The following GHR variants were observed in gnomAD, a reference collection of about 807,000 sequenced individuals.
GHR encodes the protein GH receptor.
A neutral mutation model predicts 67.1 loss-of-function variants in GHR; 35 were observed. That is an observed-to-expected ratio of 0.52 (90% CI 0.40 to 0.69). The LOEUF is 0.69. Among genes scored for constraint, GHR ranks in the 30% least tolerant of loss-of-function variants. GHR has a pLI of 0.00. For synonymous variants in GHR, 272 were observed against 269.1 expected (o/e 1.01, Z -0.10); for missense variants, 792 against 764.6 (o/e 1.04, Z -0.42).
chr5:42,477,005 T>G (rs1745359064), intron 1 of GHR, among the ~76,000 whole-genome samples: 1 of 151,462 alleles, frequency 6.6e-6, no homozygotes, highest in Admixed American at 6.6e-5. Flanking sequence ...TAGCGTTAGG[T>G]GTATCTCCTA....
intron 1 of GHR, among the ~76,000 whole-genome samples, chr5:42,532,833 C>A (rs183515498): frequency 1.7e-4 from 26 of 152,110 alleles, no homozygotes; most frequent in Non-Finnish European, 1.5e-4. Context: ...TTTATTTATT[C>A]CCATACTAAT....
chr5:42,509,593 C>G (rs1293653053), intron 1 of GHR, among the ~76,000 whole-genome samples: 2 of 152,214 alleles, frequency 1.3e-5, no homozygotes, highest in East Asian at 3.8e-4. Flanking sequence ...CTTTATTTCC[C>G]TCTTGCATAT....
At chr5:42,628,953 G>A (rs1580086177) in intron 2 of GHR, 85 bp from the exon 3 acceptor site, 1 of 827,662 alleles carries the variant, frequency 1.2e-6, no homozygotes, top group Admixed American at 1.9e-5. Context: ...TTGGGAAGCT[G>A]AGGATTTTGT....
At chr5:42,566,229 T>TTG (rs1446991709) in intron 2 of GHR, among the ~76,000 whole-genome samples, 1 of 152,196 alleles carries the variant, frequency 6.6e-6, no homozygotes, top group Non-Finnish European at 1.5e-5. Context: ...GCCAGGTCTC[T>TTG]TGTTCTCAGG....
intron 2 of GHR, among the ~76,000 whole-genome samples, chr5:42,616,448 C>T (rs1753153410): frequency 6.6e-6 from 1 of 151,964 alleles, no homozygotes; most frequent in African/African-American, 2.4e-5. Context: ...GATGGTGAAA[C>T]AATTTTCAGA....
chr5:42,638,085 G>A (rs183797453), intron 3 of GHR, among the ~76,000 whole-genome samples: 31 of 152,044 alleles, frequency 2.0e-4, no homozygotes, highest in Non-Finnish European at 3.5e-4. Flanking sequence ...GATTACAGTC[G>A]TGCACCACCA....
Position 42,655,002 on chromosome 5 carries a change from T to G in GHR, c.136+25899T>G, listed in dbSNP as rs566210770. 5.3e-5 allele frequency among the ~76,000 whole-genome samples: 8 copies of G among 152,218 alleles called. No homozygotes were observed. In the South Asian group the frequency reaches 1.7e-3, roughly 32 times the overall value. On this transcript the variant is annotated intron_variant, in intron 3 of 9. Coordinates refer to ENST00000230882, the MANE Select transcript of GHR (RefSeq NM_000163.5). ...TCTCATCCCCTCATCCCCTTGTGTCTGCCCCTGAATGCCAGACTATCTTCT... is the reference window on the plus strand; with the variant it reads ...TCTCATCCCCTCATCCCCTTGTGTCGGCCCCTGAATGCCAGACTATCTTCT...
Position 42,719,177 on chromosome 5 carries a change from A to G in GHR, c.1670A>G (p.Gln557Arg). The change falls in exon 10 of 10, where the codon CAG becomes CGG. Residue 557 changes from glutamine to arginine, a missense_variant. By Grantham distance (43) the Gln-to-Arg change is conservative. Transcript: ENST00000230882. ...APHIKVESHI[Q>R]PSLNQEDIYI... The stretch of plus-strand genomic sequence containing the variant: ...CACATCAAGGTTGAATCACACATAC[A>G]GCCAAGCTTAAACCAAGAGGACATT... 1.9e-6 allele frequency: 3 copies of G among 1,614,180 alleles called. No individual in the cohort carries two copies. Among genetic ancestry groups the G allele is most frequent in the Non-Finnish European group, 1.7e-6 (2 of 1,180,028 alleles).
At chr5:42,572,228 G>A (rs915018406) in intron 2 of GHR, among the ~76,000 whole-genome samples, 11 of 152,062 alleles carry the variant, frequency 7.2e-5, no homozygotes, top group African/African-American at 2.7e-4. Context: ...CATTTTTGGG[G>A]CCTCTACTTG....
intron 3 of GHR, among the ~76,000 whole-genome samples, chr5:42,649,343 G>A (rs1021683918): frequency 3.3e-5 from 5 of 152,108 alleles, no homozygotes; most frequent in African/African-American, 1.2e-4. Context: ...AGATTCTTCA[G>A]AACATTTTTT....
intron 2 of GHR, among the ~76,000 whole-genome samples, chr5:42,590,013 A>T (rs977726136): frequency 6.6e-6 from 1 of 152,196 alleles, no homozygotes; most frequent in Non-Finnish European, 1.5e-5. Flanking sequence ...GAAAGGCAAC[A>T]TTAGCTAGGT....
rs146044217 is a variant in GHR, at chr5:42,711,216, A to G, written c.628A>G (p.Ile210Val). ...TATTTTGTCTTGAAAGATGGACCCT[A>G]TATTGACAACATCAGTTCCAGTGTA... ...NETKWKMMDPILTTSVPVYSL... is the reference protein window; with the variant it reads ...NETKWKMMDPVLTTSVPVYSL... Residue 210 changes from isoleucine (I) to valine (V), a missense_variant, in exon 7 of 10, where the codon ATA becomes GTA. Transcript: ENST00000230882. The G allele has an allele frequency of 1.4e-5, 23 of 1,612,876 alleles. No individual in the cohort carries two copies. The African/African-American group carries it at 2.7e-4, about 19-fold the overall frequency.
At chr5:42,432,495 G>T (rs1331888991) in intron 1 of GHR, among the ~76,000 whole-genome samples, 2 of 152,172 alleles carry the variant, frequency 1.3e-5, no homozygotes, top group Non-Finnish European at 2.9e-5. Flanking sequence ...TGTGGCACAT[G>T]ATCCTAATTC....
chr5:42,583,467 C>G (rs1446055866), intron 2 of GHR, among the ~76,000 whole-genome samples: 3 of 152,322 alleles, frequency 2.0e-5, no homozygotes, highest in African/African-American at 4.8e-5. Context: ...AGTGGAAGTG[C>G]TGACAAGCAG....
intron 2 of GHR, among the ~76,000 whole-genome samples, chr5:42,620,917 T>C (rs1753410753): frequency 6.6e-6 from 1 of 152,124 alleles, no homozygotes; most frequent in Non-Finnish European, 1.5e-5. Context: ...CATCTCCATC[T>C]CACCTTCCAA....
chr5:42,604,785 T>C (rs949732497), intron 2 of GHR, among the ~76,000 whole-genome samples: 1 of 152,010 alleles, frequency 6.6e-6, no homozygotes, highest in African/African-American at 2.4e-5. Flanking sequence ...TTTTTAATAT[T>C]TTCTATCTTT....
rs1561103147 is a variant in GHR, at chr5:42,534,516, G to GTACATATGTATATA, written c.-11-31347_-11-31346insACATATGTATATAT. Among the ~76,000 whole-genome samples, 297 of 143,880 alleles carry GTACATATGTATATA rather than the reference G, an allele frequency of 2.1e-3. 2 individuals carry two copies. The highest frequency in any genetic ancestry group is 8.1e-3 in the African/African-American group (294 of 36,236). The allele number at this position is 143,880 out of a possible 152,430, so 94.4% of individuals were successfully genotyped here. A position where few individuals can be genotyped will look rare whatever the true frequency, so the allele number is the denominator to read the frequency against. ...TATGTATATATGTACATATGTATATGTGTATATATGTATGTATATATACTA... is the reference window on the plus strand; with the variant it reads ...TATGTATATATGTACATATGTATATGTACATATGTATATATGTATATATGTATGTATATATACTA... On this transcript the variant is annotated intron_variant, in intron 1 of 9. Transcript: ENST00000230882.
intron 1 of GHR, among the ~76,000 whole-genome samples, chr5:42,474,281 AAGAAAAAGAGAAAG>A (rs1273946848): frequency 8.3e-6 from 1 of 120,020 alleles, no homozygotes; most frequent in African/African-American, 3.3e-5. Context: ...GAAAGAAAGA[AAGAAAAAGAGAAAG>A]AGAAAGAAAG....
intron 3 of GHR, among the ~76,000 whole-genome samples, chr5:42,644,187 CAT>C (rs1052902040): frequency 6.6e-6 from 1 of 152,132 alleles, no homozygotes; most frequent in African/African-American, 2.4e-5. Context: ...AATCTTACCA[CAT>C]GATATTATAT....
Sources: allele counts gnomAD v4.1 joint callset (sites outside exome capture counted in the v4.1 genomes callset), GRCh38; gene constraint gnomAD v4.1.1; transcripts MANE v1.5; gene names NCBI Gene and HGNC (gene_info 2026-07-23, HGNC 2026-07-21).